The following F11 variants were observed in gnomAD, a reference collection of about 807,000 sequenced individuals.
F11 encodes coagulation factor XI, also known as coagualtion factor XI.
In F11, 78 loss-of-function variants were observed where a neutral mutation model predicts 76.5. The ratio of observed to expected loss-of-function variants is 1.02; its 90% confidence interval spans 0.85 to 1.23. The LOEUF (loss-of-function observed/expected upper bound fraction) is 1.23. F11 is among the 50% of genes most tolerant of loss of function. The pLI, the probability that F11 is intolerant of heterozygous loss-of-function variation, is 0.00. For synonymous variants in F11, 278 were observed against 276.3 expected (o/e 1.01, Z -0.06); for missense variants, 742 against 771.4 (o/e 0.96, Z 0.45).
At chr4:186,276,487 A>C (rs1170308239) in intron 7 of F11, 97 bp downstream of exon 7, 8 of 1,404,118 alleles carry the variant, frequency 5.7e-6, no homozygotes, top group Non-Finnish European at 8.0e-6. Context: ...ATTTACTCTA[A>C]ATGTCAGTAT....
At chr4:186,274,368 T>G in intron 5 of F11, 93 bp downstream of exon 5, 1 of 1,493,188 alleles carries the variant, frequency 6.7e-7, no homozygotes, top group Non-Finnish European at 9.3e-7. Flanking sequence ...CCAGAATTTA[T>G]TTTGAACCCC....
In F11 at chr4:186,287,755, A is replaced by C; in HGVS notation, c.1648A>C (p.Arg550=). ...CAACGAAGAGTGCCAGAAGAGATAC[A>C]GAGGACATAAAATAACCCATAAGAT... ...VTNEECQKRY[R]GHKITHKMIC... Residue 550 remains arginine, a synonymous_variant, in exon 14 of 15, where the codon AGA becomes CGA. Coordinates refer to ENST00000403665, the MANE Select transcript of F11 (RefSeq NM_000128.4). 1 of 1,613,812 alleles carries C rather than the reference A, an allele frequency of 6.2e-7. No homozygotes were observed. The highest frequency in any genetic ancestry group is 1.1e-5 in the South Asian group (1 of 91,074).
rs140731806 is a variant in F11 at position 186,271,742 on chromosome 4, G to A, written c.189G>A (p.Ala63=). ...GATGTTTACTCTTCACTTTCACGGCGGAATCACCATCTGAGGATCCCACCC... is the reference window on the plus strand; with the variant it reads ...GATGTTTACTCTTCACTTTCACGGCAGAATCACCATCTGAGGATCCCACCC... ...HPRCLLFTFT[A]ESPSEDPTRW... is the part of the protein sequence containing the mutation. The change falls in exon 3 of 15, where the codon GCG becomes GCA. Residue 63 remains alanine (A), a synonymous_variant. Coordinates refer to ENST00000403665, the MANE Select transcript of F11 (RefSeq NM_000128.4). The A allele has an allele frequency of 1.7e-5, 28 of 1,614,076 alleles. No individual in the cohort carries two copies. Among genetic ancestry groups the A allele is most frequent in the African/African-American group, 9.3e-5 (7 of 74,988 alleles).
intron 10 of F11, among the ~76,000 whole-genome samples, chr4:186,280,955 C>A (rs548826765): frequency 6.7e-6 from 1 of 150,232 alleles, no homozygotes; most frequent in East Asian, 2.0e-4. Flanking sequence ...GGCTTGAACT[C>A]CTGGACTCGA....
At chr4:186,279,421 C>G (rs543948754) in intron 7 of F11, among the ~76,000 whole-genome samples, 7 of 152,182 alleles carry the variant, frequency 4.6e-5, no homozygotes, top group Admixed American at 3.3e-4. Context: ...AAAAATTCAC[C>G]TTCCCAGCTG....
In F11 at chr4:186,267,152, C is replaced by T. The variant is rs1554081288; in HGVS notation, c.16C>T (p.Gln6Ter). ...TCATTGTAGGATGATTTTCTTATAT[C>T]AAGTGGTACATTTCATTTTATTTAC... MIFLY[Q>*]VVHFILFTSV... is the part of the protein sequence containing the mutation. Residue 6 changes from glutamine (Q) to a stop codon, truncating the protein, a stop_gained, in exon 2 of 15, where the codon CAA becomes TAA. Coordinates refer to ENST00000403665, the MANE Select transcript of F11 (RefSeq NM_000128.4). LOFTEE classifies it high-confidence loss of function. The T allele has an allele frequency of 6.3e-7, 1 of 1,576,784 alleles. No individual in the cohort carries two copies. Among genetic ancestry groups the T allele is most frequent in the Non-Finnish European group, 8.7e-7 (1 of 1,145,956 alleles).
Position 186,287,141 on chromosome 4 carries a change from AT to A in F11, c.1577-537del, listed in dbSNP as rs375334157. ...GGTACCCAACCACCACCCCAAGCTA[AT>A]TTTTTGTATTTTTAGTAGAGACGGG... On this transcript the variant is annotated intron_variant, in intron 13 of 14. Coordinates refer to ENST00000403665, the MANE Select transcript of F11 (RefSeq NM_000128.4). 2.4e-3 allele frequency among the ~76,000 whole-genome samples: 367 copies of A among 151,796 alleles called. 2 individuals carry two copies. Among genetic ancestry groups the A allele is most frequent in the African/African-American group, 8.4e-3 (347 of 41,448 alleles).
chr4:186,272,874 T>C (rs1740081722), intron 3 of F11, 197 bp from the exon 4 acceptor site: 1 of 530,446 alleles, frequency 1.9e-6, no homozygotes, highest in African/African-American at 1.9e-5. Flanking sequence ...TAGAAAGGAG[T>C]ATTACATGCA....
intron 2 of F11, among the ~76,000 whole-genome samples, chr4:186,271,246 G>A (rs370473669): frequency 9.9e-5 from 15 of 152,198 alleles, no homozygotes; most frequent in African/African-American, 3.1e-4. Flanking sequence ...ATAAAGAGAC[G>A]CAATTAGGAA....
intron 3 of F11, 91 bp downstream of exon 3, chr4:186,271,862 TA>T (rs1484240272): frequency 9.5e-6 from 13 of 1,365,658 alleles, no homozygotes; most frequent in Non-Finnish European, 1.4e-5. Flanking sequence ...TTATAAAATT[TA>T]ACATTAACAA....
At chr4:186,278,301 T>G (rs1740532091) in intron 7 of F11, among the ~76,000 whole-genome samples, 1 of 152,204 alleles carries the variant, frequency 6.6e-6, no homozygotes. Flanking sequence ...GCCTATCACA[T>G]GAGCCTCACT....
At chr4:186,276,161 A>T in intron 6 of F11, 70 bp from the exon 7 acceptor site, 1 of 1,574,612 alleles carries the variant, frequency 6.4e-7, no homozygotes, top group South Asian at 1.1e-5. Context: ...TGGAATTTAC[A>T]CATACTGTGA....
chr4:186,279,903 C>A (rs1190319155), intron 7 of F11, 109 bp from the exon 8 acceptor site: 1 of 854,498 alleles, frequency 1.2e-6, no homozygotes. Context: ...ATAGGAAAAT[C>A]TTCACAACTA....
intron 10 of F11, among the ~76,000 whole-genome samples, chr4:186,280,861 T>C (rs907488595): frequency 3.5e-4 from 46 of 129,800 alleles, no homozygotes; most frequent in Middle Eastern, 4.2e-3. Flanking sequence ...TCTTTCTTTT[T>C]TTTTTTTTTT....
At chr4:186,276,603 T>A (rs1222857526) in intron 7 of F11, among the ~76,000 whole-genome samples, 1 of 145,446 alleles carries the variant, frequency 6.9e-6, no homozygotes, top group African/African-American at 2.7e-5. Flanking sequence ...TTTTTTTTTT[T>A]TGAGATGGAG....
At chr4:186,267,270 C>A in intron 2 of F11, 79 bp downstream of exon 2, 2 of 904,526 alleles carry the variant, frequency 2.2e-6, no homozygotes, top group South Asian at 1.3e-5. Flanking sequence ...GAGAATCCCA[C>A]ACCATTTATG....
chr4:186,286,655 A>T (rs1741229187), intron 13 of F11, 145 bp downstream of exon 13: 3 of 1,486,352 alleles, frequency 2.0e-6, no homozygotes, highest in Non-Finnish European at 2.7e-6. Context: ...AGAGGCAAAA[A>T]TCACCCAAGT....
chr4:186,286,645 A>G, intron 13 of F11, 135 bp downstream of exon 13: 1 of 1,498,800 alleles, frequency 6.7e-7, no homozygotes, highest in South Asian at 1.2e-5. Context: ...ATAAAGATGG[A>G]GAGGCAAAAA....
At chr4:186,267,114 A>C (rs755226665) in intron 1 of F11, 22 bp from the exon 2 acceptor site, 16 of 1,488,120 alleles carry the variant, frequency 1.1e-5, no homozygotes, top group Non-Finnish European at 1.4e-5. Flanking sequence ...TTCTAAAAGC[A>C]TGCACCTTTT....
Sources: allele counts gnomAD v4.1 joint callset (sites outside exome capture counted in the v4.1 genomes callset), GRCh38; gene constraint gnomAD v4.1.1; transcripts MANE v1.5; gene names NCBI Gene and HGNC (gene_info 2026-07-23, HGNC 2026-07-21).